The following KIZ variants were observed in gnomAD, a reference collection of about 807,000 sequenced individuals.
KIZ encodes the protein centrosomal protein kizuna.
KIZ carries 68 observed loss-of-function variants against 79.6 expected under a neutral mutation model. The ratio of observed to expected loss-of-function variants is 0.85; its 90% CI spans 0.70 to 1.05. KIZ has a LOEUF of 1.05. Among genes scored for constraint, KIZ ranks in the 50% least tolerant of loss-of-function variants. The pLI, the probability that KIZ is intolerant of heterozygous loss-of-function variation, is 0.00. For synonymous variants in KIZ, 280 were observed against 281.8 expected (o/e 0.99, Z 0.06); for missense variants, 797 against 800.4 (o/e 1.00, Z 0.05).
At chr20:21,186,312 C>T (rs995050207) in intron 6 of KIZ, among the ~76,000 whole-genome samples, 3 of 151,938 alleles carry the variant, frequency 2.0e-5, no homozygotes, top group Non-Finnish European at 2.9e-5. Flanking sequence ...CTGTGTCACA[C>T]ATCACATGGA....
chr20:21,157,085 T>C (rs1055375889), intron 4 of KIZ, among the ~76,000 whole-genome samples: 6 of 151,932 alleles, frequency 3.9e-5, no homozygotes, highest in Non-Finnish European at 7.4e-5. Flanking sequence ...ATAGACCACA[T>C]CTCTATAAAT....
intron 6 of KIZ, among the ~76,000 whole-genome samples, chr20:21,173,946 A>C (rs961645281): frequency 1.3e-5 from 2 of 152,216 alleles, no homozygotes; most frequent in Non-Finnish European, 2.9e-5. Context: ...TAAATAGGAA[A>C]GTGGCCCAGG....
At chr20:21,168,862 G>A (rs895861857) in intron 6 of KIZ, among the ~76,000 whole-genome samples, 1 of 152,144 alleles carries the variant, frequency 6.6e-6, no homozygotes, top group South Asian at 2.1e-4. Flanking sequence ...AATGGTGCTG[G>A]GAAAACTGGC....
chr20:21,214,461 G>A, intron 7 of KIZ, 74 bp from the exon 8 acceptor site: 1 of 971,564 alleles, frequency 1.0e-6, no homozygotes, highest in Non-Finnish European at 1.5e-6. Flanking sequence ...ATATTTGAAG[G>A]CTATCTTTGA....
At chr20:21,178,079 A>G (rs989894129) in intron 6 of KIZ, among the ~76,000 whole-genome samples, 5 of 152,058 alleles carry the variant, frequency 3.3e-5, no homozygotes, top group Admixed American at 2.6e-4. Flanking sequence ...GTGATTCCAC[A>G]TGAATTTTAG....
At position 21,137,474 on chromosome 20, in the gene KIZ, C is replaced by CT. The variant is rs34442176; in HGVS notation, c.315+937dup. Among the ~76,000 whole-genome samples, 693 of 136,522 alleles carry CT rather than the reference C, an allele frequency of 5.1e-3. 2 individuals carry two copies. The highest frequency in any genetic ancestry group is 0.013 in the South Asian group (54 of 4,252). 89.6% of individuals were successfully genotyped at this position (136,522 alleles called of 152,430 possible). A position where few individuals can be genotyped will look rare whatever the true frequency, so the allele number is the denominator to read the frequency against. On this transcript the variant is annotated intron_variant, in intron 3 of 12. Transcript: ENST00000619189. ...CTAGCCTGCTACTGAGCCCCCCTAC[C>CT]TTTTTTTTTTTTTTTGCCCTGCAGT...
intron 11 of KIZ, among the ~76,000 whole-genome samples, chr20:21,241,392 G>A (rs753591043): frequency 6.6e-5 from 10 of 152,198 alleles, no homozygotes; most frequent in Non-Finnish European, 1.2e-4. Flanking sequence ...TGGAAAGTAC[G>A]CTCTGCCCTT....
At chr20:21,237,089 G>A (rs2037038614) in intron 11 of KIZ, among the ~76,000 whole-genome samples, 1 of 151,832 alleles carries the variant, frequency 6.6e-6, no homozygotes, top group African/African-American at 2.4e-5. Flanking sequence ...ACCGCCTGCA[G>A]TCAGGAGTTC....
At chr20:21,157,670 G>A (rs1415034330) in intron 4 of KIZ, among the ~76,000 whole-genome samples, 10 of 152,148 alleles carry the variant, frequency 6.6e-5, no homozygotes, top group Non-Finnish European at 1.3e-4. Context: ...GCCTATCTTA[G>A]GGGGTTGGAG....
chr20:21,220,327 C>A (rs1476138811), intron 9 of KIZ, among the ~76,000 whole-genome samples: 1 of 151,886 alleles, frequency 6.6e-6, no homozygotes, highest in Non-Finnish European at 1.5e-5. Flanking sequence ...TAGTACTCAC[C>A]CTACAAGTGG....
intron 8 of KIZ, among the ~76,000 whole-genome samples, chr20:21,215,090 TTATAA>T (rs1441593847): frequency 1.3e-5 from 2 of 152,258 alleles, no homozygotes; most frequent in African/African-American, 4.8e-5. Flanking sequence ...TTACTTTTAA[TTATAA>T]TAGAACCTTA....
At chr20:21,178,356 T>C (rs1277789928) in intron 6 of KIZ, among the ~76,000 whole-genome samples, 1 of 152,126 alleles carries the variant, frequency 6.6e-6, no homozygotes, top group Non-Finnish European at 1.5e-5. Context: ...TGGAAATATT[T>C]TTCTAATTTC....
In KIZ at chr20:21,161,941, T is replaced by C; in HGVS notation, c.476T>C (p.Phe159Ser). 6.2e-7 allele frequency: 1 copy of C among 1,613,798 alleles called. No individual in the cohort carries two copies. The highest frequency in any genetic ancestry group is 8.5e-7 in the Non-Finnish European group (1 of 1,179,688). Residue 159 changes from phenylalanine to serine, a missense_variant, in exon 5 of 13, where the codon TTT becomes TCT. Physicochemically the swap from Phe to Ser is radical, Grantham distance 155. Coordinates refer to ENST00000619189, the MANE Select transcript of KIZ (RefSeq NM_018474.6). ...SRGLYQPATI[F>S]MGRQMSAILS... ...GGATTGTATCAACCAGCAACAATCT[T>C]TATGGGCCGCCAAATGTCAGCCATC...
At chr20:21,241,291 A>T (rs577054539) in intron 11 of KIZ, among the ~76,000 whole-genome samples, 1 of 152,198 alleles carries the variant, frequency 6.6e-6, no homozygotes, top group Non-Finnish European at 1.5e-5. Context: ...TAAAAAATCA[A>T]CTATGAATTG....
At chr20:21,191,695 G>A (rs1046277006) in intron 6 of KIZ, among the ~76,000 whole-genome samples, 3 of 152,078 alleles carry the variant, frequency 2.0e-5, no homozygotes, top group Non-Finnish European at 4.4e-5. Flanking sequence ...ATGTATCTTT[G>A]TACACATGCT....
At chr20:21,188,676 T>TTTATTTA (rs1555882083) in intron 6 of KIZ, among the ~76,000 whole-genome samples, 10 of 141,834 alleles carry the variant, frequency 7.1e-5, no homozygotes, top group African/African-American at 2.1e-4. Flanking sequence ...TTGCATTTTA[T>TTTATTTA]TTTATTTATT....
intron 1 of KIZ, among the ~76,000 whole-genome samples, chr20:21,128,007 T>TTTTGTTTG (rs544667888): frequency 6.6e-6 from 1 of 152,320 alleles, no homozygotes; most frequent in Admixed American, 6.5e-5. Context: ...GGATGTACCT[T>TTTTGTTTG]TTTGTTTGTT....
chr20:21,240,181 G>A (rs6035816), intron 11 of KIZ, among the ~76,000 whole-genome samples: 135,883 of 152,170 alleles, frequency 0.89, 61,156 homozygotes, highest in Non-Finnish European at 0.96. Context: ...CTGGAGTGCA[G>A]TGGTGCAATG....
At chr20:21,156,289 T>C (rs1010570929) in intron 4 of KIZ, among the ~76,000 whole-genome samples, 5 of 152,206 alleles carry the variant, frequency 3.3e-5, no homozygotes, top group African/African-American at 1.2e-4. Flanking sequence ...TCCATTAATG[T>C]CTTCTTTTTT....
Sources: allele counts gnomAD v4.1 joint callset (sites outside exome capture counted in the v4.1 genomes callset), GRCh38; gene constraint gnomAD v4.1.1; transcripts MANE v1.5; gene names NCBI Gene and HGNC (gene_info 2026-07-23, HGNC 2026-07-21).